Variants in IGFN1 observed in about 807,000 individuals in gnomAD.
IGFN1 encodes the protein immunoglobulin like and fibronectin type III domain containing 1.
Under a neutral mutation model 289.5 loss-of-function variants are expected in IGFN1, and 253 were observed. That is an observed-to-expected ratio of 0.87 (90% CI 0.79 to 0.97). IGFN1 has a LOEUF of 0.97. Among genes scored for constraint, IGFN1 ranks in the 50% least tolerant of loss-of-function variants. The pLI is 0.00. For synonymous variants in IGFN1, 1,706 were observed against 1,788.5 expected (o/e 0.95, Z 1.16); for missense variants, 4,470 against 4,686.1 (o/e 0.95, Z 1.35).
intron 14 of IGFN1, 44 bp from the exon 15 acceptor site, chr1:201,215,495 G>T (rs751459799): frequency 6.7e-7 from 1 of 1,487,024 alleles, no homozygotes; most frequent in Non-Finnish European, 9.0e-7. Context: ...TTCCCCAGGT[G>T]CCCAGTGCCC....
intron 5 of IGFN1, 36 bp downstream of exon 5, chr1:201,197,353 A>G: frequency 3.9e-6 from 5 of 1,272,990 alleles, no homozygotes; most frequent in Non-Finnish European, 4.4e-6. Flanking sequence ...ATCAGTGCAC[A>G]GGGCAGAGAC....
intron 12 of IGFN1, 36 bp from the exon 13 acceptor site, chr1:201,214,141 C>A: frequency 6.4e-7 from 1 of 1,564,854 alleles, no homozygotes; most frequent in Admixed American, 1.8e-5. Context: ...TGGCCTGGGG[C>A]GCTCGGCCCT....
chr1:201,207,588 C>T lies in IGFN1; in HGVS notation c.2695C>T (p.Gln899Ter), dbSNP rs757139067. 2.0e-6 allele frequency: 3 copies of T among 1,536,902 alleles called. No homozygotes were observed. Among genetic ancestry groups the T allele is most frequent in the South Asian group, 1.2e-5 (1 of 84,034 alleles). ...AAGTAGGGCTCCAGGCCTGGGTGCT[C>T]AGGGATCTGGGGGGACACTAGGAGA... is the stretch of plus-strand genomic sequence containing the variant. ...WLSRAPGLGA[Q>*]GSGGTLGDKK... The change falls in exon 12 of 24, where the codon CAG (glutamine) becomes TAG (stop). Residue 899 changes from glutamine (Q) to a stop codon, truncating the protein, a stop_gained. Transcript: ENST00000335211. LOFTEE classifies it high-confidence loss of function.
intron 7 of IGFN1, 104 bp downstream of exon 7, chr1:201,199,758 C>A: frequency 1.0e-6 from 1 of 954,136 alleles, no homozygotes. Context: ...CTACCCAACA[C>A]AGCAGGGAGC....
intron 4 of IGFN1, among the ~76,000 whole-genome samples, 161 bp from the exon 5 acceptor site, chr1:201,197,057 G>A (rs1043807586): frequency 6.6e-6 from 1 of 152,188 alleles, no homozygotes; most frequent in Admixed American, 6.5e-5. Context: ...TCCCAAACCA[G>A]GTTTCTGTTT....
chr1:201,191,096 G>A (rs1311384466), intron 1 of IGFN1, among the ~76,000 whole-genome samples, 189 bp downstream of exon 1: 2 of 152,204 alleles, frequency 1.3e-5, no homozygotes, highest in East Asian at 1.9e-4. Flanking sequence ...GTTACTCCAG[G>A]ATATCTGGAG....
In IGFN1 at chr1:201,207,064, G is replaced by A. The variant is rs1667461317; in HGVS notation, c.2171G>A (p.Gly724Asp). 1 of 1,536,998 alleles carries A rather than the reference G, an allele frequency of 6.5e-7. No homozygotes were observed. The highest frequency in any genetic ancestry group is 8.7e-7 in the Non-Finnish European group (1 of 1,146,864). ...GAGTTGCTAGAACAGATACCTGGAG[G>A]CAAGGACTTCCAGGAACCATCAATA... is the stretch of plus-strand genomic sequence containing the variant. ...SGELLEQIPG[G>D]KDFQEPSISG... is the part of the protein sequence containing the mutation. The change falls in exon 12 of 24, where the codon GGC becomes GAC. Residue 724 changes from glycine (G) to aspartate (D), a missense_variant. Gly to Asp is a moderately conservative substitution (Grantham distance 94, BLOSUM62 -1). Around this residue, in one of 8 missense-constraint regions of IGFN1, gnomAD observed 2,011 missense variants for 1,953.4 expected, o/e 1.03. Coordinates refer to ENST00000335211, the MANE Select transcript of IGFN1 (RefSeq NM_001164586.2).
In IGFN1 at chr1:201,208,880, G is replaced by A. The variant is rs1208342694; in HGVS notation, c.3987G>A (p.Gly1329=). The change falls in exon 12 of 24, where the codon GGG becomes GGA. Residue 1329 remains glycine, a synonymous_variant. Coordinates refer to ENST00000335211, the MANE Select transcript of IGFN1 (RefSeq NM_001164586.2). The part of the protein sequence containing the change: ...MDEAGYRKDL[G]APEGISSGSK... Reference sequence around the variant, plus strand: ...AAGCAGGTTATAGGAAAGATTTAGGGGCTCCTGAGGGAATAAGTTCAGGGA... The same window carrying A: ...AAGCAGGTTATAGGAAAGATTTAGGAGCTCCTGAGGGAATAAGTTCAGGGA... The A allele has an allele frequency of 2.3e-5, 35 of 1,536,528 alleles. 1 individual carries two copies. Among genetic ancestry groups the A allele is most frequent in the African/African-American group, 2.7e-5 (2 of 72,938 alleles).
At position 201,209,692 on chromosome 1, in the gene IGFN1, C is replaced by T. The variant is rs1667620624; in HGVS notation, c.4799C>T (p.Ala1600Val). The change falls in exon 12 of 24, where the codon GCA (alanine) becomes GTA (valine). Residue 1600 changes from alanine to valine, a missense_variant. By Grantham distance (64) the Ala-to-Val change is moderately conservative (BLOSUM62 0). Transcript: ENST00000335211. ...GSGEMGSVNEAGYRKDLGVPE... is the reference protein window; with the variant it reads ...GSGEMGSVNEVGYRKDLGVPE... ...GGAGAAATGGGGTCAGTGAATGAAGCAGGTTATAGGAAGGACTTGGGGGTT... is the reference window on the plus strand; with the variant it reads ...GGAGAAATGGGGTCAGTGAATGAAGTAGGTTATAGGAAGGACTTGGGGGTT... The T allele has an allele frequency of 6.6e-7, 1 of 1,522,424 alleles. No homozygotes were observed. Among genetic ancestry groups the T allele is most frequent in the Non-Finnish European group, 8.8e-7 (1 of 1,138,198 alleles). 94.3% of individuals were successfully genotyped at this position (1,522,424 alleles called of 1,614,324 possible). A position where few individuals can be genotyped will look rare whatever the true frequency, so the allele number is the denominator to read the frequency against.
Position 201,212,529 on chromosome 1 carries a change from G to A in IGFN1, c.7636G>A (p.Gly2546Arg). The change falls in exon 12 of 24, where the codon GGG becomes AGG. Residue 2546 changes from glycine (G) to arginine (R), a missense_variant. Physicochemically the swap from Gly to Arg is moderately radical, Grantham distance 125. Coordinates refer to ENST00000335211, the MANE Select transcript of IGFN1 (RefSeq NM_001164586.2). ...GACCTGGGCAGGAATGGCTGCTCTA[G>A]GGTCTGGATATGAACGGGACATCTG... ...GETWAGMAAL[G>R]SGYERDIWKA... 4 of 1,547,950 alleles carry A rather than the reference G, an allele frequency of 2.6e-6. No individual in the cohort carries two copies. Among genetic ancestry groups the A allele is most frequent in the Non-Finnish European group, 1.7e-6 (2 of 1,146,870 alleles).
chr1:201,196,828 A>T (rs999619896), intron 4 of IGFN1, among the ~76,000 whole-genome samples: 2 of 152,206 alleles, frequency 1.3e-5, no homozygotes, highest in African/African-American at 4.8e-5. Flanking sequence ...TATATATTTA[A>T]TTCTAATTAT....
Position 201,208,211 on chromosome 1 carries a change from A to C in IGFN1, c.3318A>C (p.Glu1106Asp). 1 of 1,536,818 alleles carries C rather than the reference A, an allele frequency of 6.5e-7. No homozygotes were observed. The highest frequency in any genetic ancestry group is 1.4e-5 in the African/African-American group (1 of 73,098). The change falls in exon 12 of 24, where the codon GAA (glutamate) becomes GAC (aspartate). Residue 1106 changes from glutamate (E) to aspartate (D), a missense_variant. Glu to Asp is a conservative substitution (Grantham distance 45, BLOSUM62 2). Transcript: ENST00000335211. ...AGACTGTTGGGATGGGATGTGTGGA[A>C]GCAGAACCAGAGAGCTCTGGAAGAA... ...VVETVGMGCV[E>D]AEPESSGRIR... is the part of the protein sequence containing the mutation.
Position 201,212,194 on chromosome 1 carries a change from G to A in IGFN1, c.7301G>A (p.Gly2434Asp). 1 of 1,535,354 alleles carries A rather than the reference G, an allele frequency of 6.5e-7. No homozygotes were observed. The change falls in exon 12 of 24, where the codon GGT becomes GAT. Residue 2434 changes from glycine to aspartate, a missense_variant. By Grantham distance (94) the Gly-to-Asp change is moderately conservative (BLOSUM62 -1). Coordinates refer to ENST00000335211, the MANE Select transcript of IGFN1 (RefSeq NM_001164586.2). ...PGMAGMPGTA[G>D]GMAHRDSLRG... ...ATGGCTGGAATGCCAGGCACTGCAG[G>A]TGGCATGGCACACAGAGACAGCCTC...
In IGFN1 at chr1:201,212,601, GGGGGGT is replaced by G; in HGVS notation, c.7709_7714del (p.Gly2570_Leu2572delinsVal). The G allele has an allele frequency of 6.5e-7, 1 of 1,547,204 alleles. No individual in the cohort carries two copies. Among genetic ancestry groups the G allele is most frequent in the South Asian group, 1.2e-5 (1 of 83,384 alleles). Reference sequence around the variant, plus strand: ...AGACAGGGGTAGAGTTGCTGGCCAGGGGGGGTTGGCATCTCAGGGAGGTGGGGACTC... The same window carrying G: ...AGACAGGGGTAGAGTTGCTGGCCAGGTGGCATCTCAGGGAGGTGGGGACTC... On this transcript the variant is annotated inframe_deletion, in exon 12 of 24. Coordinates refer to ENST00000335211, the MANE Select transcript of IGFN1 (RefSeq NM_001164586.2).
In IGFN1 at chr1:201,194,169, C is replaced by T. The variant is rs749825277; in HGVS notation, c.23C>T (p.Ser8Phe). MAGKLRKSHIPGVSIWQL... is the reference protein window; with the variant it reads MAGKLRKFHIPGVSIWQL... ...CATTCTCCAGGAAAGCTCCGGAAGTCCCACATCCCTGGAGTGAGCATCTGG... is the reference window on the plus strand; with the variant it reads ...CATTCTCCAGGAAAGCTCCGGAAGTTCCACATCCCTGGAGTGAGCATCTGG... Residue 8 changes from serine (S) to phenylalanine (F), a missense_variant, in exon 3 of 24, where the codon TCC becomes TTC. Coordinates refer to ENST00000335211, the MANE Select transcript of IGFN1 (RefSeq NM_001164586.2). 204 of 1,551,450 alleles carry T rather than the reference C, an allele frequency of 1.3e-4. 1 individual carries two copies. The highest frequency in any genetic ancestry group is 2.4e-5 in the Non-Finnish European group (28 of 1,146,946).
In IGFN1 at chr1:201,225,831, G is replaced by T; in HGVS notation, c.10494G>T (p.Pro3498=). 6.2e-6 allele frequency: 10 copies of T among 1,610,806 alleles called. No homozygotes were observed. The highest frequency in any genetic ancestry group is 8.5e-6 in the Non-Finnish European group (10 of 1,179,094). The stretch of plus-strand genomic sequence containing the variant: ...CTGCCGTCTCTCCTGAAGCATGCCC[G>T]CAGGCCCCTGGGCCCATCCACCTGC... ...HSFRIRVAAC[P]QAPGPIHLQE... The change falls in exon 22 of 24, where the codon CCG becomes CCT. Residue 3498 remains proline, a synonymous_variant. Transcript: ENST00000335211.
At chr1:201,221,882 A>G (rs966787886) in intron 19 of IGFN1, 136 bp downstream of exon 19, 2 of 696,124 alleles carry the variant, frequency 2.9e-6, no homozygotes, top group Non-Finnish European at 4.8e-6. Context: ...TTGAGCACCT[A>G]CTAGGTGCTA....
rs1426519223 is a variant in IGFN1 at position 201,211,516 on chromosome 1, C to T, written c.6623C>T (p.Ser2208Leu). The change falls in exon 12 of 24, where the codon TCA (serine) becomes TTA (leucine). Residue 2208 changes from serine to leucine, a missense_variant. Coordinates refer to ENST00000335211, the MANE Select transcript of IGFN1 (RefSeq NM_001164586.2). ...DGLGGSEEMG[S>L]VNKAGYRKDL... is the part of the protein sequence containing the mutation. Reference sequence around the variant, plus strand: ...TTAGGGGGTTCTGAAGAAATGGGGTCAGTGAATAAGGCAGGTTATAGGAAG... The same window carrying T: ...TTAGGGGGTTCTGAAGAAATGGGGTTAGTGAATAAGGCAGGTTATAGGAAG... 4 of 1,501,108 alleles carry T rather than the reference C, an allele frequency of 2.7e-6. No individual in the cohort carries two copies. Among genetic ancestry groups the T allele is most frequent in the Non-Finnish European group, 2.7e-6 (3 of 1,127,292 alleles). 93.0% of individuals were successfully genotyped at this position (1,501,108 alleles called of 1,614,324 possible). A position where few individuals can be genotyped will look rare whatever the true frequency, so the allele number is the denominator to read the frequency against.
intron 3 of IGFN1, among the ~76,000 whole-genome samples, chr1:201,194,966 G>A (rs1035994698): frequency 6.6e-6 from 1 of 152,178 alleles, no homozygotes; most frequent in Admixed American, 6.5e-5. Flanking sequence ...GTGGGAGGCT[G>A]AGGGATTCCT....
Sources: allele counts gnomAD v4.1 joint callset (sites outside exome capture counted in the v4.1 genomes callset), GRCh38; gene constraint gnomAD v4.1.1; regional missense constraint gnomAD v4.1.1; transcripts MANE v1.5; gene names NCBI Gene and HGNC (gene_info 2026-07-23, HGNC 2026-07-21).